NEMP2: variants seen among roughly 807,000 people sequenced by gnomAD.
The protein encoded by NEMP2 is UPF0571 transmembrane protein.
A neutral mutation model predicts 54.2 loss-of-function variants in NEMP2; 53 were observed. The ratio of observed to expected loss-of-function variants is 0.98; its 90% CI spans 0.78 to 1.23. The LOEUF is 1.23. Ranked by LOEUF, NEMP2 falls within the 50% of genes most tolerant of loss-of-function variation. The probability of loss-of-function intolerance (pLI) is 0.00; values close to 1 mark genes in which losing one functional copy is unlikely to be tolerated. For synonymous variants in NEMP2, 197 were observed against 190.3 expected, an observed-to-expected ratio of 1.04 and a Z score of -0.29; for missense variants, 455 against 511.3, an observed-to-expected ratio of 0.89 and a Z score of 1.06.
the NEMP2 span, among the ~76,000 whole-genome samples, chr2:190,576,674 C>T: frequency 6.6e-6 from 1 of 151,932 alleles, no homozygotes; most frequent in South Asian, 2.1e-4. Context: ...GCTGTGCTGA[C>T]TTGTTTCGTA....
At chr2:190,540,287 AT>A in the NEMP2 span, among the ~76,000 whole-genome samples, 115,671 of 144,662 alleles carry the variant, frequency 0.8, 46,247 homozygotes, top group Admixed American at 0.85. Flanking sequence ...ATAGTGAATG[AT>A]TTTTTTTTTT....
the NEMP2 span, among the ~76,000 whole-genome samples, chr2:190,427,766 T>C: frequency 6.6e-6 from 1 of 152,046 alleles, no homozygotes; most frequent in Non-Finnish European, 1.5e-5. Flanking sequence ...AGTTTCACTC[T>C]TGTCACCCAG....
At chr2:190,484,662 A>G in the NEMP2 span, among the ~76,000 whole-genome samples, 1 of 152,214 alleles carries the variant, frequency 6.6e-6, no homozygotes, top group African/African-American at 2.4e-5. Flanking sequence ...GTTCCAGTTT[A>G]TGAACGAGAA....
chr2:190,553,852 A>T, the NEMP2 span, among the ~76,000 whole-genome samples: 1 of 152,222 alleles, frequency 6.6e-6, no homozygotes, highest in East Asian at 1.9e-4. Context: ...CTTAAAATTC[A>T]TGCTGAGAGA....
the NEMP2 span, among the ~76,000 whole-genome samples, chr2:190,481,016 G>C: frequency 6.6e-6 from 1 of 152,198 alleles, no homozygotes; most frequent in African/African-American, 2.4e-5. Context: ...AGGGAAATGT[G>C]GCTAGTCAGT....
rs6731287 is a variant in NEMP2, at chr2:190,520,339, G to C, written c.214-1156C>G. ...AACCTCAGGTCCTATTCACATCACA[G>C]AACAAAGCACTAGCTACAAGCCGAT... On this transcript the variant is annotated intron_variant, in intron 2 of 8. Transcript: ENST00000409150. This position sits in a 1 kb window ranked among gnomAD's most constrained non-coding sequence, Gnocchi z 5.4. Among the ~76,000 whole-genome samples the C allele has an allele frequency of 0.71, 107,641 of 152,110 alleles. 39,285 individuals are homozygous for C. The highest frequency in any genetic ancestry group is 0.79 in the Admixed American group (12,075 of 15,292).
At position 190,529,194 on chromosome 2, in the gene NEMP2, A is replaced by C. The variant is rs913842527; in HGVS notation, c.98-3816T>G. On this transcript the variant is annotated intron_variant, in intron 1 of 8. Transcript: ENST00000409150. This position sits in a 1 kb window ranked among gnomAD's most constrained non-coding sequence, Gnocchi z 4.7. Reference sequence around the variant, plus strand: ...TCTGTCTCAAAACAAAAACAAACACAAACAAACAAAAACATGAATGGGAAC... The same window carrying C: ...TCTGTCTCAAAACAAAAACAAACACCAACAAACAAAAACATGAATGGGAAC... 1.2e-4 allele frequency among the ~76,000 whole-genome samples: 18 copies of C among 152,220 alleles called. No individual in the cohort carries two copies. In the East Asian group the frequency reaches 2.5e-3, roughly 21 times the overall value.
chr2:190,505,564 G>T lies in NEMP2; in HGVS notation c.*3625C>A, dbSNP rs899956762. On this transcript the variant is annotated 3_prime_UTR_variant, in exon 9 of 9. Coordinates refer to ENST00000409150, the MANE Select transcript of NEMP2 (RefSeq NM_001142645.2). The surrounding 1 kb of genome is among the most constrained non-coding windows in gnomAD (Gnocchi z 5.8). The stretch of plus-strand genomic sequence containing the variant: ...GCTACCCACTAACTGTATCTTCCAA[G>T]ATTTATATTAGATAAGTATAGTATT... The T allele has an allele frequency of 1.3e-5, 2 of 152,090 alleles. No homozygotes were observed. Among genetic ancestry groups the T allele is most frequent in the Non-Finnish European group, 2.9e-5 (2 of 68,010 alleles). 9.4% of individuals were successfully genotyped at this position (152,090 alleles called of 1,614,324 possible).
the NEMP2 span, among the ~76,000 whole-genome samples, chr2:190,483,183 C>T: frequency 6.6e-5 from 10 of 151,926 alleles, no homozygotes; most frequent in Non-Finnish European, 1.3e-4. Flanking sequence ...TGAGCCACCG[C>T]GCCCGGCCGA....
the NEMP2 span, among the ~76,000 whole-genome samples, chr2:190,483,424 T>G: frequency 1.3e-5 from 2 of 152,222 alleles, no homozygotes; most frequent in African/African-American, 4.8e-5. Flanking sequence ...CTCTGTGCCT[T>G]GGTTTCCTTT....
the NEMP2 span, among the ~76,000 whole-genome samples, chr2:190,465,508 TA>T: frequency 9.2e-5 from 14 of 152,184 alleles, no homozygotes; most frequent in African/African-American, 3.4e-4. The surrounding 1 kb of genome is among the most constrained non-coding windows in gnomAD (Gnocchi z 4.6). Context: ...TGTATAATCT[TA>T]TGTAAAAAAA....
At chr2:190,434,578 T>G in the NEMP2 span, among the ~76,000 whole-genome samples, 1 of 152,128 alleles carries the variant, frequency 6.6e-6, no homozygotes, top group Non-Finnish European at 1.5e-5. This position sits in a 1 kb window ranked among gnomAD's most constrained non-coding sequence, Gnocchi z 4.3. Flanking sequence ...TGGGACTACA[T>G]GCGTGCCACC....
At chr2:190,515,203 A>C (rs552152833) in intron 6 of NEMP2, among the ~76,000 whole-genome samples, 47 of 152,148 alleles carry the variant, frequency 3.1e-4, no homozygotes, top group Non-Finnish European at 5.6e-4. Context: ...TTAAGTGTTT[A>C]ATTTATATCT....
At chr2:190,516,829 G>A (rs762023489) in intron 5 of NEMP2, among the ~76,000 whole-genome samples, 6 of 152,266 alleles carry the variant, frequency 3.9e-5, no homozygotes, top group Non-Finnish European at 7.4e-5. Flanking sequence ...GGTGGCTCAC[G>A]CCTGTATTTG....
chr2:190,578,194 C>G, the NEMP2 span, among the ~76,000 whole-genome samples: 1 of 152,112 alleles, frequency 6.6e-6, no homozygotes, highest in Non-Finnish European at 1.5e-5. This position sits in a 1 kb window ranked among gnomAD's most constrained non-coding sequence, Gnocchi z 4.4. Flanking sequence ...GAAGAATGGA[C>G]AGAGGAAAAC....
chr2:190,454,194 G>A, the NEMP2 span: 1 of 152,188 alleles, frequency 6.6e-6, no homozygotes, highest in African/African-American at 2.4e-5. This position sits in a 1 kb window ranked among gnomAD's most constrained non-coding sequence, Gnocchi z 4.6. Context: ...CCCTCCATTG[G>A]TGGAAATATC....
the NEMP2 span, among the ~76,000 whole-genome samples, chr2:190,481,621 G>C: frequency 2.0e-5 from 3 of 152,152 alleles, no homozygotes; most frequent in African/African-American, 7.2e-5. Context: ...AAGCTCCTTG[G>C]TGGCTGGGGA....
the NEMP2 span, among the ~76,000 whole-genome samples, chr2:190,462,040 C>G: frequency 2.0e-5 from 3 of 152,020 alleles, no homozygotes; most frequent in Non-Finnish European, 4.4e-5. This position sits in a 1 kb window ranked among gnomAD's most constrained non-coding sequence, Gnocchi z 5.7. Context: ...TCAAAATCTA[C>G]AGAAATATAC....
chr2:190,428,203 C>T, the NEMP2 span, among the ~76,000 whole-genome samples: 3 of 152,176 alleles, frequency 2.0e-5, no homozygotes, highest in African/African-American at 7.2e-5. Flanking sequence ...TTTACTGTTG[C>T]ACAGTATTTC....
Sources: allele counts gnomAD v4.1 joint callset (sites outside exome capture counted in the v4.1 genomes callset), GRCh38; gene constraint gnomAD v4.1.1; non-coding constraint Gnocchi (gnomAD v3.1); transcripts MANE v1.5; gene names NCBI Gene and HGNC (gene_info 2026-07-23, HGNC 2026-07-21).